The following MYRFL variants were observed in gnomAD, a reference collection of about 807,000 sequenced individuals.
MYRFL encodes the protein myelin regulatory factor like.
Under a neutral mutation model 109.4 loss-of-function variants are expected in MYRFL, and 88 were observed. The ratio of observed to expected loss-of-function variants is 0.80; its 90% confidence interval spans 0.68 to 0.96. MYRFL has a LOEUF of 0.96. MYRFL is among the 40% of genes least tolerant of loss of function. The pLI, the probability that MYRFL is intolerant of heterozygous loss-of-function variation, is 0.00. For synonymous variants in MYRFL, 324 were observed against 320.9 expected (o/e 1.01, Z -0.10); for missense variants, 957 against 954.9 (o/e 1.00, Z -0.03).
chr12:69,952,988 A>T, intron 21 of MYRFL, 102 bp downstream of exon 21: 1 of 708,244 alleles, frequency 1.4e-6, no homozygotes, highest in Non-Finnish European at 2.3e-6. Flanking sequence ...GATAAAATCA[A>T]TGTGTGCTTA....
At chr12:69,871,024 G>A (rs533415007) in intron 2 of MYRFL, among the ~76,000 whole-genome samples, 1 of 152,112 alleles carries the variant, frequency 6.6e-6, no homozygotes, top group South Asian at 2.1e-4. Flanking sequence ...CAACTGCCTA[G>A]AGCCTTAAAT....
intron 15 of MYRFL, among the ~76,000 whole-genome samples, chr12:69,929,208 G>T (rs1246773192): frequency 6.6e-6 from 1 of 152,150 alleles, no homozygotes; most frequent in Non-Finnish European, 1.5e-5. Flanking sequence ...GTAAGCTGTG[G>T]TGCGGTCCCA....
chr12:69,951,995 T>C (rs1955989215), intron 19 of MYRFL, 118 bp from the exon 20 acceptor site: 1 of 753,560 alleles, frequency 1.3e-6, no homozygotes, highest in African/African-American at 1.7e-5. Context: ...AGTTGAAGGA[T>C]GGGAGACAGA....
At chr12:69,855,583 A>C (rs1263402988) in intron 2 of MYRFL, among the ~76,000 whole-genome samples, 2 of 152,216 alleles carry the variant, frequency 1.3e-5, no homozygotes, top group African/African-American at 4.8e-5. Flanking sequence ...CAAATTCAGT[A>C]TATTTAATAG....
At chr12:69,893,647 C>A in intron 7 of MYRFL, 117 bp from the exon 8 acceptor site, 1 of 402,380 alleles carries the variant, frequency 2.5e-6, no homozygotes, top group Non-Finnish European at 4.0e-6. Flanking sequence ...TGACTTGTTC[C>A]TCCTGCCCAG....
At chr12:69,867,317 G>A (rs1276775865) in intron 2 of MYRFL, among the ~76,000 whole-genome samples, 1 of 152,192 alleles carries the variant, frequency 6.6e-6, no homozygotes, top group Non-Finnish European at 1.5e-5. Flanking sequence ...AAACTGCAAT[G>A]AAAAAGGGCA....
chr12:69,869,203 C>T (rs1452080266), intron 2 of MYRFL, among the ~76,000 whole-genome samples: 1 of 152,208 alleles, frequency 6.6e-6, no homozygotes, highest in African/African-American at 2.4e-5. Flanking sequence ...GTGGTGGGTA[C>T]AGTCTGCCCT....
intron 16 of MYRFL, among the ~76,000 whole-genome samples, chr12:69,932,863 G>A (rs1213058912): frequency 6.8e-5 from 1 of 14,814 alleles, no homozygotes; most frequent in East Asian, 3.1e-3. Context: ...TGTGCCTTTC[G>A]TGTGTGTGTG....
chr12:69,924,791 G>A (rs1169160642), intron 13 of MYRFL, among the ~76,000 whole-genome samples: 2 of 151,994 alleles, frequency 1.3e-5, no homozygotes, highest in Non-Finnish European at 2.9e-5. Context: ...GATTTTTTGT[G>A]TTTTTTTGGT....
Position 69,936,591 on chromosome 12 carries a change from G to A in MYRFL, c.2183G>A (p.Arg728Lys). 6.5e-7 allele frequency: 1 copy of A among 1,534,998 alleles called. No individual in the cohort carries two copies. Among genetic ancestry groups the A allele is most frequent in the Non-Finnish European group, 8.7e-7 (1 of 1,146,042 alleles). ...MKEVSSSPVQ[R>K]QSEEKEFHQR... ...GAAGTCTCTTCAAGTCCTGTGCAAA[G>A]ACAATCTGAGGAGAAGGAATTCCAT... The change falls in exon 19 of 25, where the codon AGA becomes AAA. Residue 728 changes from arginine (R) to lysine (K), a missense_variant. Coordinates refer to ENST00000552032, the MANE Select transcript of MYRFL (RefSeq NM_182530.3).
At chr12:69,869,197 T>C (rs928962267) in intron 2 of MYRFL, among the ~76,000 whole-genome samples, 1 of 152,348 alleles carries the variant, frequency 6.6e-6, no homozygotes, top group East Asian at 1.9e-4. Flanking sequence ...GGCAGTGTGG[T>C]GGGTACAGTC....
At chr12:69,923,946 C>T (rs1239816) in intron 13 of MYRFL, among the ~76,000 whole-genome samples, 50,408 of 151,834 alleles carry the variant, frequency 0.33, 8,560 homozygotes, top group African/African-American at 0.39. Flanking sequence ...TCCCAGCACT[C>T]TGGGATACCA....
intron 6 of MYRFL, among the ~76,000 whole-genome samples, chr12:69,888,135 C>G (rs1886570092): frequency 6.6e-6 from 1 of 152,124 alleles, no homozygotes; most frequent in Admixed American, 6.6e-5. Flanking sequence ...GTTTGAACAG[C>G]CTATCTTGGC....
At chr12:69,897,037 TAAATAAGCAAACTCTTCTCGATAAGTTC>T (rs1954019313) in intron 9 of MYRFL, 91 bp from the exon 10 acceptor site, 1 of 728,270 alleles carries the variant, frequency 1.4e-6, no homozygotes, top group African/African-American at 1.7e-5. Context: ...AGGCAGTCTT[TAAATAAGCAAACTCTTCTCGATAAGTTC>T]ACTATTGATC....
chr12:69,932,145 G>T (rs180859515), intron 15 of MYRFL, among the ~76,000 whole-genome samples: 1 of 149,438 alleles, frequency 6.7e-6, no homozygotes. Context: ...ATTTTCAAAA[G>T]TATCCTACTC....
chr12:69,850,983 A>G (rs572515501), intron 1 of MYRFL, among the ~76,000 whole-genome samples: 1 of 152,088 alleles, frequency 6.6e-6, no homozygotes, highest in Non-Finnish European at 1.5e-5. Flanking sequence ...AGATTTTGCA[A>G]CCCACTTTTT....
chr12:69,934,445 A>G (rs865783187), intron 16 of MYRFL, among the ~76,000 whole-genome samples: 15 of 152,316 alleles, frequency 9.8e-5, no homozygotes, highest in South Asian at 4.1e-4. Context: ...CTGCAGCCCA[A>G]TGAACAGCAG....
intron 1 of MYRFL, among the ~76,000 whole-genome samples, chr12:69,854,237 CG>C (rs1884121685): frequency 6.6e-6 from 1 of 150,942 alleles, no homozygotes; most frequent in Non-Finnish European, 1.5e-5. Context: ...CTCAGGCACT[CG>C]GCAGGCTGAG....
At position 69,926,932 on chromosome 12, in the gene MYRFL, G is replaced by GTTTTTTTTTTTTTTTTTTTTTTTTTTTT. The variant is rs1336716063; in HGVS notation, c.1766+198_1766+199insTTTTTTTTTTTTTTTTTTTTTTTTTTTT. 4.9e-4 allele frequency among the ~76,000 whole-genome samples: 38 copies of GTTTTTTTTTTTTTTTTTTTTTTTTTTTT among 76,872 alleles called. 16 individuals are homozygous for GTTTTTTTTTTTTTTTTTTTTTTTTTTTT. Among genetic ancestry groups the GTTTTTTTTTTTTTTTTTTTTTTTTTTTT allele is most frequent in the Non-Finnish European group, 6.7e-4 (26 of 39,082 alleles). The allele number at this position is 76,872 out of a possible 152,430, so 50.4% of individuals were successfully genotyped here. On this transcript the variant is annotated intron_variant, in intron 14 of 24. Coordinates refer to ENST00000552032, the MANE Select transcript of MYRFL (RefSeq NM_182530.3). ...ACTTTCTTAGTTTTTTTCTGTTGCTGGTTTTTTTTTTTTTTTTTTTTTTTT... is the reference window on the plus strand; with the variant it reads ...ACTTTCTTAGTTTTTTTCTGTTGCTGTTTTTTTTTTTTTTTTTTTTTTTTTTTTGTTTTTTTTTTTTTTTTTTTTTTTT...
Sources: gnomAD v4.1 joint callset for allele counts (sites outside exome capture counted in the v4.1 genomes callset) on GRCh38, gnomAD v4.1.1 for gene constraint, MANE v1.5 for transcripts, NCBI Gene and HGNC (gene_info 2026-07-23, HGNC 2026-07-21) for gene names.